HDAC8: variants seen among roughly 807,000 people sequenced by gnomAD.
HDAC8 encodes the protein histone deacetylase 8.
Under a neutral mutation model 32.2 loss-of-function variants are expected in HDAC8, and 1 was observed. The observed-to-expected ratio is 0.03, with a 90% CI of 0.01 to 0.15. HDAC8 has a LOEUF of 0.15. Among genes scored for constraint, HDAC8 ranks in the 10% least tolerant of loss-of-function variants. The pLI is 1.00. For synonymous variants in HDAC8, 108 were observed against 113.9 expected (o/e 0.95, Z 0.33); for missense variants, 117 against 300.0 (o/e 0.39, Z 4.51).
chrX:72,329,955 T>A lies in HDAC8; in HGVS notation c.*99A>T. 1 of 923,300 alleles carries A rather than the reference T, an allele frequency of 1.1e-6. No individual in the cohort carries two copies. Among genetic ancestry groups the A allele is most frequent in the Admixed American group, 2.5e-5 (1 of 40,239 alleles). The allele number at this position is 923,300 out of a possible 1,213,427, so 76.1% of individuals were successfully genotyped here. ...TCAGGAAGTAATTTCTTTCAAATTTTCCCTGCAGTCACAAATTCCACAAAC... is the reference window on the plus strand; with the variant it reads ...TCAGGAAGTAATTTCTTTCAAATTTACCCTGCAGTCACAAATTCCACAAAC... On this transcript the variant is annotated 3_prime_UTR_variant, in exon 11 of 11. Transcript: ENST00000373573.
At chrX:72,560,720 C>T (rs1304953133) in intron 4 of HDAC8, among the ~76,000 whole-genome samples, 1 of 109,235 alleles carries the variant, frequency 9.2e-6, no homozygotes, top group Non-Finnish European at 1.9e-5. Context: ...AGGAAGTTCC[C>T]TTCTATTCCT....
chrX:72,440,649 T>C (rs1172146585), intron 9 of HDAC8, among the ~76,000 whole-genome samples: 1 of 111,875 alleles, frequency 8.9e-6, no homozygotes, highest in Non-Finnish European at 1.9e-5. Flanking sequence ...AGGTACCGGG[T>C]CCATCTCACT....
intron 9 of HDAC8, among the ~76,000 whole-genome samples, chrX:72,442,849 A>AG (rs2047203575): frequency 9.0e-6 from 1 of 111,002 alleles, no homozygotes; most frequent in Non-Finnish European, 1.9e-5. Flanking sequence ...AGATCTACCA[A>AG]GCAAATGGAA....
chrX:72,499,393 C>A (rs782190522), intron 4 of HDAC8, among the ~76,000 whole-genome samples: 1 of 111,356 alleles, frequency 9.0e-6, no homozygotes, highest in Admixed American at 9.6e-5. Flanking sequence ...ATAAAGCAAT[C>A]CCTAGCAAGC....
At chrX:72,536,744 C>G (rs1322162006) in intron 4 of HDAC8, among the ~76,000 whole-genome samples, 4 of 111,853 alleles carry the variant, frequency 3.6e-5, no homozygotes, top group Non-Finnish European at 7.5e-5. Flanking sequence ...TACAGTTGTT[C>G]CCAACCTTTT....
chrX:72,402,003 T>A (rs1318610695), intron 9 of HDAC8, among the ~76,000 whole-genome samples: 2 of 111,669 alleles, frequency 1.8e-5, no homozygotes, highest in African/African-American at 6.5e-5. Flanking sequence ...TGGTGGCAGG[T>A]TTTTTTTGAT....
intron 9 of HDAC8, among the ~76,000 whole-genome samples, chrX:72,450,633 T>C (rs782092577): frequency 1.2e-4 from 13 of 111,125 alleles, no homozygotes; most frequent in Admixed American, 1.9e-4. Flanking sequence ...AAAAAATTCA[T>C]TGGATGGAAT....
intron 6 of HDAC8, 43 bp downstream of exon 6, chrX:72,490,886 G>A (rs1199536669): frequency 2.1e-6 from 2 of 931,613 alleles, no homozygotes; most frequent in African/African-American, 1.9e-5. Flanking sequence ...AAGAATTTCA[G>A]TATTTAGTCA....
intron 9 of HDAC8, among the ~76,000 whole-genome samples, chrX:72,373,398 C>T (rs1238842891): frequency 8.9e-6 from 1 of 112,494 alleles, no homozygotes; most frequent in African/African-American, 3.2e-5. Flanking sequence ...TATCCCCTGG[C>T]AACCAGTAAT....
At chrX:72,443,546 G>A (rs2047254517) in intron 9 of HDAC8, among the ~76,000 whole-genome samples, 2 of 111,664 alleles carry the variant, frequency 1.8e-5, no homozygotes, top group Non-Finnish European at 3.8e-5. Flanking sequence ...GTGTGTAGAG[G>A]GAAATTTATA....
At chrX:72,425,708 A>G (rs1395008973) in intron 9 of HDAC8, among the ~76,000 whole-genome samples, 2 of 111,956 alleles carry the variant, frequency 1.8e-5, no homozygotes, top group Non-Finnish European at 3.8e-5. Context: ...ATGGATTTCC[A>G]AGAGTCTGAT....
At chrX:72,559,291 C>T (rs2051414005) in intron 4 of HDAC8, among the ~76,000 whole-genome samples, 1 of 108,675 alleles carries the variant, frequency 9.2e-6, no homozygotes, top group South Asian at 4.1e-4. Flanking sequence ...AGGCTGGTCT[C>T]CAGCTCCTAA....
chrX:72,357,488 C>T (rs2044404271), intron 9 of HDAC8, among the ~76,000 whole-genome samples: 1 of 110,572 alleles, frequency 9.0e-6, no homozygotes, highest in Non-Finnish European at 1.9e-5. Context: ...CAGAGGTGGG[C>T]ACAGGAGTGG....
At chrX:72,451,849 C>T (rs782004468) in intron 9 of HDAC8, among the ~76,000 whole-genome samples, 3 of 112,011 alleles carry the variant, frequency 2.7e-5, no homozygotes, top group Admixed American at 9.5e-5. Flanking sequence ...ACAGAGGATA[C>T]GAATGAGGTG....
intron 4 of HDAC8, among the ~76,000 whole-genome samples, chrX:72,565,978 C>A (rs1161526121): frequency 9.1e-6 from 1 of 110,032 alleles, no homozygotes; most frequent in Non-Finnish European, 1.9e-5. Context: ...AAGACCTCAT[C>A]TCTACAAAAA....
At chrX:72,554,413 C>T (rs2051194480) in intron 4 of HDAC8, among the ~76,000 whole-genome samples, 1 of 107,631 alleles carries the variant, frequency 9.3e-6, no homozygotes, top group African/African-American at 3.4e-5. Context: ...AACAGGGAGG[C>T]TCATGGTCTG....
In HDAC8 at chrX:72,564,148, G is replaced by A. The variant is rs183252431; in HGVS notation, c.437+3741C>T. Among the ~76,000 whole-genome samples the A allele has an allele frequency of 6.4e-3, 714 of 111,914 alleles. 8 individuals carry two copies. The highest frequency in any genetic ancestry group is 0.011 in the Non-Finnish European group (596 of 53,169). ...GCACTCCAGCCTGGATGACAGAGCC[G>A]AGATTCTGTCTCAAAAAAAAGAGGC... On this transcript the variant is annotated intron_variant, in intron 4 of 10. Coordinates refer to ENST00000373573, the MANE Select transcript of HDAC8 (RefSeq NM_018486.3).
intron 9 of HDAC8, among the ~76,000 whole-genome samples, chrX:72,413,121 T>TTTA (rs1329378482): frequency 9.0e-6 from 1 of 110,939 alleles, no homozygotes; most frequent in African/African-American, 3.3e-5. Flanking sequence ...GGTTTTTTTT[T>TTTA]TTATTATTAT....
At chrX:72,414,302 T>C (rs371224212) in intron 9 of HDAC8, among the ~76,000 whole-genome samples, 3 of 112,116 alleles carry the variant, frequency 2.7e-5, no homozygotes, top group East Asian at 2.8e-4. Flanking sequence ...GAAGCAGTAA[T>C]ATTGTCAGTA....
Sources: gnomAD v4.1 joint callset for allele counts (sites outside exome capture counted in the v4.1 genomes callset) on GRCh38, gnomAD v4.1.1 for gene constraint, MANE v1.5 for transcripts, NCBI Gene and HGNC (gene_info 2026-07-23, HGNC 2026-07-21) for gene names.